The following OGN variants were observed in gnomAD, a reference collection of about 807,000 sequenced individuals.
OGN encodes the protein osteoglycin.
Under a neutral mutation model 30.8 loss-of-function variants are expected in OGN, and 19 were observed. The ratio of observed to expected loss-of-function variants is 0.62; its 90% CI spans 0.43 to 0.90. The LOEUF is 0.90. OGN is among the 40% of genes least tolerant of loss of function. The pLI, the probability that OGN is intolerant of heterozygous loss-of-function variation, is 0.00. For synonymous variants in OGN, 126 were observed against 128.3 expected (o/e 0.98, Z 0.12); for missense variants, 283 against 349.7 (o/e 0.81, Z 1.52).
chr9:92,392,201 A>G (rs1344469810), intron 4 of OGN, among the ~76,000 whole-genome samples: 1 of 152,022 alleles, frequency 6.6e-6, no homozygotes, highest in Non-Finnish European at 1.5e-5. Flanking sequence ...ATTAAATACC[A>G]CTGTTCTCAA....
intron 5 of OGN, among the ~76,000 whole-genome samples, chr9:92,389,084 T>C (rs1422072991): frequency 6.6e-6 from 1 of 152,152 alleles, no homozygotes; most frequent in Admixed American, 6.5e-5. Context: ...TAATGAATAT[T>C]TGATAGTTTC....
Position 92,403,215 on chromosome 9 carries a change from T to C in OGN, c.174+19A>G. On this transcript the variant is annotated intron_variant, in intron 2 of 6. Coordinates refer to ENST00000375561, the MANE Select transcript of OGN (RefSeq NM_014057.5). ...TGGGCAGTATTTTAGAAGCTAAATT[T>C]AGAATAGAAATAAAGTACCTTAATA... The C allele has an allele frequency of 2.7e-6, 4 of 1,499,620 alleles. No individual in the cohort carries two copies. The highest frequency in any genetic ancestry group is 1.4e-5 in the African/African-American group (1 of 71,868). The allele number at this position is 1,499,620 out of a possible 1,614,324, so 92.9% of individuals were successfully genotyped here.
intron 2 of OGN, 120 bp downstream of exon 2, chr9:92,403,114 T>A: frequency 1.6e-6 from 1 of 618,732 alleles, no homozygotes; most frequent in East Asian, 2.8e-5. Flanking sequence ...TGAATTCGTT[T>A]GAATCATTTA....
rs41297183 is a variant in OGN, at chr9:92,385,612, A to G, written c.*8T>C. 0.04 allele frequency: 64,456 copies of G among 1,611,268 alleles called. 1,574 individuals are homozygous for G. Among genetic ancestry groups the G allele is most frequent in the South Asian group, 0.077 (6,970 of 90,968 alleles). On this transcript the variant is annotated 3_prime_UTR_variant, in exon 7 of 7. Transcript: ENST00000375561. ...TGTACTTTCATTTATATGTTGTACC[A>G]ATAGAGGTTAAAAGTATGACCCTAT...
At chr9:92,394,279 G>C (rs1842801275) in intron 3 of OGN, among the ~76,000 whole-genome samples, 1 of 151,918 alleles carries the variant, frequency 6.6e-6, no homozygotes, top group South Asian at 2.1e-4. Context: ...GTCTTGCCCT[G>C]TTGCTCATGC....
In OGN at chr9:92,393,208, C is replaced by G; in HGVS notation, c.305G>C (p.Gly102Ala). ...GTCAACTTCTTCACAGTATACAGAG[C>G]CACTTAAACAAACACACAGCAGACA... The part of the protein sequence containing the change: ...PTCLLCVCLS[G>A]SVYCEEVDID... Residue 102 changes from glycine (G) to alanine (A), a missense_variant, in exon 4 of 7, where the codon GGC (glycine) becomes GCC (alanine). Physicochemically the swap from Gly to Ala is moderately conservative, Grantham distance 60. Transcript: ENST00000375561. The G allele has an allele frequency of 1.2e-6, 2 of 1,607,896 alleles. No individual in the cohort carries two copies. The highest frequency in any genetic ancestry group is 1.7e-6 in the Non-Finnish European group (2 of 1,176,656).
intron 5 of OGN, among the ~76,000 whole-genome samples, chr9:92,386,917 G>A (rs140934049): frequency 0.031 from 4,654 of 151,806 alleles, 109 homozygotes; most frequent in South Asian, 0.083. Context: ...GCGTGGTGGT[G>A]GGCGCCTGTA....
chr9:92,386,914 G>C (rs1443461221), intron 5 of OGN, among the ~76,000 whole-genome samples: 1 of 151,878 alleles, frequency 6.6e-6, no homozygotes, highest in Non-Finnish European at 1.5e-5. Context: ...CAGGCGTGGT[G>C]GTGGGCGCCT....
At chr9:92,387,255 C>T (rs1337172375) in intron 5 of OGN, among the ~76,000 whole-genome samples, 1 of 151,274 alleles carries the variant, frequency 6.6e-6, no homozygotes, top group African/African-American at 2.4e-5. Flanking sequence ...GCCTGTAATC[C>T]CAGCTACTAG....
intron 5 of OGN, among the ~76,000 whole-genome samples, chr9:92,388,903 T>A (rs1235486319): frequency 1.3e-5 from 2 of 151,954 alleles, no homozygotes; most frequent in Non-Finnish European, 2.9e-5. Flanking sequence ...CTGAGTTCCT[T>A]ATAAGAAACA....
chr9:92,401,915 A>G (rs1843130330), intron 2 of OGN, among the ~76,000 whole-genome samples: 1 of 150,874 alleles, frequency 6.6e-6, no homozygotes, highest in Middle Eastern at 3.2e-3. Flanking sequence ...CTCGGTCTTG[A>G]CTCCTGACTC....
intron 5 of OGN, 60 bp from the exon 6 acceptor site, chr9:92,386,356 A>G (rs368549886): frequency 1.9e-6 from 2 of 1,050,386 alleles, no homozygotes; most frequent in African/African-American, 1.6e-5. Flanking sequence ...CACAGGATTC[A>G]AGCAATATAT....
intron 3 of OGN, among the ~76,000 whole-genome samples, chr9:92,394,867 A>G (rs911805749): frequency 2.0e-5 from 3 of 152,128 alleles, no homozygotes; most frequent in Non-Finnish European, 2.9e-5. Flanking sequence ...TCAGCCTCCC[A>G]AAGTGCTAGG....
Position 92,390,003 on chromosome 9 carries a change from C to CATCTTCTAT in OGN, c.472_480dup (p.Ile158_Asp160dup), listed in dbSNP as rs1364864988. The CATCTTCTAT allele has an allele frequency of 6.2e-7, 1 of 1,609,218 alleles. No homozygotes were observed. The highest frequency in any genetic ancestry group is 1.3e-5 in the African/African-American group (1 of 74,790). On this transcript the variant is annotated inframe_insertion, in exon 5 of 7. Transcript: ENST00000375561. ...AACAGAGAAAGTTTTGAAAAAGTAC[C>CATCTTCTAT]ATCTTCTATATCTTCTATCAAATTT... is the stretch of plus-strand genomic sequence containing the variant.
At chr9:92,393,916 TC>T (rs1842788332) in intron 3 of OGN, among the ~76,000 whole-genome samples, 1 of 152,152 alleles carries the variant, frequency 6.6e-6, no homozygotes, top group African/African-American at 2.4e-5. Flanking sequence ...GCACATGATA[TC>T]TGTTTATCCC....
At chr9:92,395,537 A>G (rs2130911043) in intron 3 of OGN, among the ~76,000 whole-genome samples, 1 of 152,282 alleles carries the variant, frequency 6.6e-6, no homozygotes, top group African/African-American at 2.4e-5. Context: ...AAGGAGTGGA[A>G]TGGCTGGGTC....
intron 4 of OGN, among the ~76,000 whole-genome samples, chr9:92,390,274 T>A (rs1273972413): frequency 6.6e-6 from 1 of 152,178 alleles, no homozygotes; most frequent in Non-Finnish European, 1.5e-5. Flanking sequence ...TCCTAGAATC[T>A]CAGGTTTGAA....
Position 92,390,017 on chromosome 9 carries a change from T to C in OGN, c.467A>G (p.Glu156Gly). 6.2e-7 allele frequency: 1 copy of C among 1,606,530 alleles called. No homozygotes were observed. Among genetic ancestry groups the C allele is most frequent in the Non-Finnish European group, 8.5e-7 (1 of 1,174,696 alleles). ...TGAAAAAGTACCATCTTCTATATCT[T>C]CTATCAAATTTCCTGTAAAATCGAG... ...RRLDFTGNLI[E>G]DIEDGTFSKL... is the part of the protein sequence containing the mutation. The change falls in exon 5 of 7, where the codon GAA becomes GGA. Residue 156 changes from glutamate (E) to glycine (G), a missense_variant. Transcript: ENST00000375561.
At chr9:92,391,491 T>C (rs1239974551) in intron 4 of OGN, among the ~76,000 whole-genome samples, 2 of 151,962 alleles carry the variant, frequency 1.3e-5, no homozygotes, top group Non-Finnish European at 2.9e-5. Flanking sequence ...CTCAGCTACT[T>C]GCGAGACTGA....
Sources: allele counts gnomAD v4.1 joint callset (sites outside exome capture counted in the v4.1 genomes callset), GRCh38; gene constraint gnomAD v4.1.1; transcripts MANE v1.5; gene names NCBI Gene and HGNC (gene_info 2026-07-23, HGNC 2026-07-21).